CREB5: variants seen among roughly 807,000 people sequenced by gnomAD.
CREB5 encodes the protein cyclic AMP-responsive element-binding protein 5.
Under a neutral mutation model 57.1 loss-of-function variants are expected in CREB5, and 19 were observed. That is an observed-to-expected ratio of 0.33 (90% CI 0.23 to 0.49). The LOEUF (loss-of-function observed/expected upper bound fraction) is 0.49, where lower values mean the gene tolerates loss of function less well. Ranked by LOEUF, CREB5 falls within the 20% of genes least tolerant of loss-of-function variation. The pLI, the probability that CREB5 is intolerant of heterozygous loss-of-function variation, is 0.99. For missense variants in CREB5, 579 were observed against 671.6 expected (o/e 0.86, Z 1.52); for synonymous variants, 238 against 238.3 (o/e 1.00, Z 0.01).
intron 4 of CREB5, among the ~76,000 whole-genome samples, chr7:28,564,029 C>T (rs560902409): frequency 6.6e-6 from 1 of 152,242 alleles, no homozygotes; most frequent in East Asian, 1.9e-4. Context: ...GGCTCTTTAA[C>T]ATCTTTTCTA....
intron 1 of CREB5, among the ~76,000 whole-genome samples, chr7:28,468,798 C>T (rs1454510201): frequency 4.6e-5 from 7 of 152,190 alleles, no homozygotes; most frequent in Admixed American, 3.9e-4. Context: ...TCCATCTTCA[C>T]GACAGACCTA....
At chr7:28,454,872 A>G (rs1207373905) in intron 1 of CREB5, among the ~76,000 whole-genome samples, 8 of 152,068 alleles carry the variant, frequency 5.3e-5, no homozygotes, top group Non-Finnish European at 1.0e-4. Context: ...GGCAGTGGAG[A>G]GCAGAGTATA....
chr7:28,780,515 A>C (rs1468755820), intron 7 of CREB5, among the ~76,000 whole-genome samples: 1 of 152,144 alleles, frequency 6.6e-6, no homozygotes, highest in African/African-American at 2.4e-5. Context: ...TGAGGTCCGG[A>C]GTTTGAGACC....
intron 4 of CREB5, among the ~76,000 whole-genome samples, chr7:28,554,923 A>G (rs1034585930): frequency 6.6e-6 from 1 of 152,204 alleles, no homozygotes; most frequent in African/African-American, 2.4e-5. Flanking sequence ...TCTGCTAGTA[A>G]TTAGAGGGCA....
At chr7:28,708,623 G>A (rs906074931) in intron 5 of CREB5, among the ~76,000 whole-genome samples, 1 of 152,210 alleles carries the variant, frequency 6.6e-6, no homozygotes, top group African/African-American at 2.4e-5. Context: ...CTGTTTTCAT[G>A]GAAGTCTCTT....
chr7:28,521,820 A>T (rs1793219547), intron 4 of CREB5, among the ~76,000 whole-genome samples: 2 of 152,182 alleles, frequency 1.3e-5, no homozygotes, highest in South Asian at 4.1e-4. Flanking sequence ...TTAGGAAAGG[A>T]TATTAATTTA....
chr7:28,574,758 GA>G (rs1322634915), intron 5 of CREB5, among the ~76,000 whole-genome samples: 1 of 152,146 alleles, frequency 6.6e-6, no homozygotes, highest in Non-Finnish European at 1.5e-5. Context: ...CTGGTTAAGA[GA>G]ATGAATTGGC....
intron 4 of CREB5, among the ~76,000 whole-genome samples, chr7:28,522,696 G>T (rs1419414267): frequency 6.6e-6 from 1 of 152,130 alleles, no homozygotes; most frequent in African/African-American, 2.4e-5. Flanking sequence ...ACCGTGCCTG[G>T]CTATACCTTG....
At chr7:28,688,994 T>C (rs1583552198) in intron 5 of CREB5, among the ~76,000 whole-genome samples, 2 of 152,294 alleles carry the variant, frequency 1.3e-5, no homozygotes, top group African/African-American at 4.8e-5. Flanking sequence ...ATGCCGGCTG[T>C]GATACCAGGT....
chr7:28,464,330 G>A (rs1790469250), intron 1 of CREB5, among the ~76,000 whole-genome samples: 1 of 151,936 alleles, frequency 6.6e-6, no homozygotes, highest in Admixed American at 6.6e-5. Context: ...CTTGTTGATT[G>A]CCTTGATATC....
At chr7:28,537,213 T>C (rs1390340394) in intron 4 of CREB5, among the ~76,000 whole-genome samples, 1 of 152,234 alleles carries the variant, frequency 6.6e-6, no homozygotes, top group Non-Finnish European at 1.5e-5. Context: ...TATGACATGA[T>C]GTTATGAGAT....
intron 1 of CREB5, among the ~76,000 whole-genome samples, chr7:28,394,839 G>C (rs1361639007): frequency 6.6e-6 from 1 of 151,964 alleles, no homozygotes; most frequent in African/African-American, 2.4e-5. Context: ...TCTAACCATT[G>C]CATTTTATTG....
At chr7:28,736,821 TCTC>T (rs1461495561) in intron 7 of CREB5, among the ~76,000 whole-genome samples, 2 of 90,630 alleles carry the variant, frequency 2.2e-5, no homozygotes, top group Admixed American at 1.6e-4. Flanking sequence ...TCTCTCTCTC[TCTC>T]TTTTTTTTTT....
chr7:28,663,304 A>G (rs934257410), intron 5 of CREB5, among the ~76,000 whole-genome samples: 32 of 151,832 alleles, frequency 2.1e-4, no homozygotes, highest in Non-Finnish European at 3.4e-4. Flanking sequence ...TCCCAGGCTC[A>G]AGCGATTCTC....
chr7:28,336,524 C>G (rs1468430613), intron 1 of CREB5, among the ~76,000 whole-genome samples: 1 of 151,768 alleles, frequency 6.6e-6, no homozygotes, highest in Non-Finnish European at 1.5e-5. Context: ...TTCAATTTTT[C>G]TGGTATCAGT....
chr7:28,385,876 A>G (rs992004014), intron 1 of CREB5, among the ~76,000 whole-genome samples: 1 of 152,130 alleles, frequency 6.6e-6, no homozygotes, highest in Admixed American at 6.6e-5. Context: ...TGTGGCTTCA[A>G]GGTCACAGCC....
chr7:28,793,788 A>G (rs1807867858), intron 7 of CREB5, among the ~76,000 whole-genome samples: 1 of 152,208 alleles, frequency 6.6e-6, no homozygotes, highest in Admixed American at 6.5e-5. Context: ...TGTTGTCATG[A>G]TGGTCACCAA....
intron 1 of CREB5, among the ~76,000 whole-genome samples, chr7:28,422,149 T>C (rs1286394051): frequency 6.6e-6 from 1 of 152,060 alleles, no homozygotes; most frequent in African/African-American, 2.4e-5. Flanking sequence ...AGGCCCAGGC[T>C]TGTGCATAAT....
rs1397385877 is a variant in CREB5 at position 28,658,951 on chromosome 7, G to GTGTATATATATATATATATATATATATA, written c.465-59791_465-59764dup. ...TGCACTAAATATTATATGTGTGTGT[G>GTGTATATATATATATATATATATATATA]TGTATATATATATATATATATATAT... On this transcript the variant is annotated intron_variant, in intron 5 of 10. Coordinates refer to ENST00000357727, the MANE Select transcript of CREB5 (RefSeq NM_182898.4). 1.5e-3 allele frequency among the ~76,000 whole-genome samples: 71 copies of GTGTATATATATATATATATATATATATA among 46,968 alleles called. 2 individuals are homozygous for GTGTATATATATATATATATATATATATA. The highest frequency in any genetic ancestry group is 3.0e-3 in the Non-Finnish European group (63 of 21,294). The allele number at this position is 46,968 out of a possible 152,430, so 30.8% of individuals were successfully genotyped here.
Sources: gnomAD v4.1 joint callset for allele counts (sites outside exome capture counted in the v4.1 genomes callset) on GRCh38, gnomAD v4.1.1 for gene constraint, MANE v1.5 for transcripts, NCBI Gene and HGNC (gene_info 2026-07-23, HGNC 2026-07-21) for gene names.